The following RP1 variants were observed in gnomAD, a reference collection of about 807,000 sequenced individuals.
The protein encoded by RP1 is oxygen-regulated protein 1.
RP1 carries 16 observed loss-of-function variants against 14.8 expected under a neutral mutation model. The ratio of observed to expected loss-of-function variants is 1.08; its 90% CI spans 0.73 to 1.65. RP1 has a LOEUF of 1.65. Ranked by LOEUF, RP1 falls within the 40% of genes most tolerant of loss-of-function variation. The pLI, the probability that RP1 is intolerant of heterozygous loss-of-function variation, is 0.00. For missense variants in RP1, 2,631 were observed against 2,535.0 expected, an observed-to-expected ratio of 1.04 and a Z score of -0.81; for synonymous variants, 876 against 883.6, an observed-to-expected ratio of 0.99 and a Z score of 0.15.
intron 1 of RP1, chr8:54,560,288 C>T (rs1804256520): frequency 6.6e-6 from 1 of 152,180 alleles, no homozygotes; most frequent in Non-Finnish European, 1.5e-5. Flanking sequence ...TCACTTTTTT[C>T]TCAGCAGGTC....
chr8:54,785,476 C>T (rs1304688646), intron 24 of RP1, among the ~76,000 whole-genome samples: 1 of 149,856 alleles, frequency 6.7e-6, no homozygotes, highest in Admixed American at 6.6e-5. Context: ...CAGCTATGAA[C>T]ATCTATGTAC....
chr8:54,749,346 CA>C (rs1809304175), intron 19 of RP1, among the ~76,000 whole-genome samples: 1 of 151,392 alleles, frequency 6.6e-6, no homozygotes, highest in Non-Finnish European at 1.5e-5. Context: ...AAAAACAAAA[CA>C]AAAAACAAGT....
intron 24 of RP1, among the ~76,000 whole-genome samples, chr8:54,789,806 T>G (rs907210014): frequency 2.6e-5 from 4 of 152,112 alleles, no homozygotes; most frequent in African/African-American, 9.7e-5. Context: ...TCACTGACTG[T>G]GGAGCACAGC....
chr8:54,775,831 G>A (rs1563372861), intron 23 of RP1, among the ~76,000 whole-genome samples: 3 of 152,144 alleles, frequency 2.0e-5, no homozygotes, highest in Admixed American at 6.5e-5. Flanking sequence ...ATATATTGAA[G>A]ATCATGAATT....
intron 19 of RP1, among the ~76,000 whole-genome samples, chr8:54,741,637 C>CATGAATA (rs2129359617): frequency 6.8e-6 from 1 of 145,998 alleles, no homozygotes; most frequent in East Asian, 2.0e-4. Context: ...TTAAACAACA[C>CATGAATA]ATGAATATAT....
intron 15 of RP1, among the ~76,000 whole-genome samples, chr8:54,717,095 T>A (rs1161658547): frequency 6.6e-6 from 1 of 152,162 alleles, no homozygotes; most frequent in Non-Finnish European, 1.5e-5. Context: ...ACCTTTTCAG[T>A]GGCTTCATCA....
At chr8:54,715,495 C>T (rs1433307320) in intron 15 of RP1, among the ~76,000 whole-genome samples, 1 of 152,084 alleles carries the variant, frequency 6.6e-6, no homozygotes. Context: ...GTTAAAAATA[C>T]CATTCCTTCA....
intron 25 of RP1, among the ~76,000 whole-genome samples, chr8:54,846,891 A>G (rs943556980): frequency 6.6e-6 from 1 of 152,146 alleles, no homozygotes. Flanking sequence ...ACATCACACC[A>G]CAGCTCTGGT....
chr8:54,733,628 G>A (rs1053537662), intron 17 of RP1, among the ~76,000 whole-genome samples: 4 of 152,120 alleles, frequency 2.6e-5, no homozygotes, highest in African/African-American at 9.7e-5. Flanking sequence ...CAGAATTAAA[G>A]GAAGGAGATC....
Position 54,642,278 on chromosome 8 carries a change from T to C in RP1, c.788-6707T>C, listed in dbSNP as rs191979375. ...GCTGATACTCCTAAAGAACTTTGCA[T>C]TGGTTAACTATATATATTTTTCTCT... On this transcript the variant is annotated intron_variant, in intron 3 of 22. Transcript: ENST00000636932. Among the ~76,000 whole-genome samples the C allele has an allele frequency of 2.5e-3, 380 of 152,266 alleles. 5 individuals are homozygous for C. Among genetic ancestry groups the C allele is most frequent in the Non-Finnish European group, 1.2e-3 (81 of 67,972 alleles).
At chr8:54,807,820 A>G (rs1327063954) in intron 24 of RP1, among the ~76,000 whole-genome samples, 1 of 152,136 alleles carries the variant, frequency 6.6e-6, no homozygotes, top group African/African-American at 2.4e-5. Context: ...TCTGCAGTCC[A>G]TGTCCAAGTC....
exon 9 of RP1, chr8:54,678,482 ATGT>A: frequency 6.5e-7 from 1 of 1,534,894 alleles, no homozygotes; most frequent in Non-Finnish European, 8.7e-7. Context: ...TTTCTTGATG[ATGT>A]TGTTATCAAG....
At chr8:54,614,380 T>C (rs402441), upstream of RP1, among the ~76,000 whole-genome samples, 55,945 of 151,906 alleles carry the variant, frequency 0.37, 11,570 homozygotes, top group East Asian at 0.64. Context: ...TTTTGGCATT[T>C]CTTAGACTCA....
chr8:54,618,303 C>T (rs1805772086), intron 1 of RP1, among the ~76,000 whole-genome samples: 1 of 152,092 alleles, frequency 6.6e-6, no homozygotes, highest in Admixed American at 6.5e-5. Context: ...TGCTTCTTTG[C>T]TCCTATTGTC....
At chr8:54,570,726 G>A (rs540817321) in intron 1 of RP1, among the ~76,000 whole-genome samples, 12 of 151,802 alleles carry the variant, frequency 7.9e-5, no homozygotes, top group African/African-American at 2.2e-4. Context: ...AAAAAGTGTC[G>A]GAAAGGAAAA....
chr8:54,770,904 G>T (rs1008275086), downstream of RP1, among the ~76,000 whole-genome samples: 4 of 151,804 alleles, frequency 2.6e-5, no homozygotes, highest in Non-Finnish European at 5.9e-5. Context: ...CATTTTTAAA[G>T]TTGATCTGAA....
chr8:54,670,667 GTT>G (rs368342457), intron 7 of RP1, among the ~76,000 whole-genome samples: 618 of 42,586 alleles, frequency 0.015, 41 homozygotes, highest in Admixed American at 0.087. Flanking sequence ...TAATATATAT[GTT>G]TTTATATATA....
chr8:54,573,323 C>T (rs940753867), intron 1 of RP1, among the ~76,000 whole-genome samples: 18 of 152,028 alleles, frequency 1.2e-4, no homozygotes, highest in Admixed American at 9.2e-4. Flanking sequence ...CTGTGTCAGC[C>T]GTGTGGCATT....
intron 7 of RP1, among the ~76,000 whole-genome samples, chr8:54,670,669 TTTTA>T (rs1194066073): frequency 0.062 from 3,931 of 63,478 alleles, 307 homozygotes; most frequent in East Asian, 0.097. Context: ...ATATATATGT[TTTTA>T]TATATATATA....
Sources: allele counts gnomAD v4.1 joint callset (sites outside exome capture counted in the v4.1 genomes callset), GRCh38; gene constraint gnomAD v4.1.1; transcripts MANE v1.5; gene names NCBI Gene and HGNC (gene_info 2026-07-23, HGNC 2026-07-21).